The following RBMS1 variants were observed in gnomAD, a reference collection of about 807,000 sequenced individuals.
The protein encoded by RBMS1 is RNA-binding motif, single-stranded-interacting protein 1.
In RBMS1, 17 loss-of-function variants were observed where a neutral mutation model predicts 62.3. The observed-to-expected ratio is 0.27, with a 90% CI of 0.19 to 0.41. RBMS1 has a LOEUF of 0.41. Among genes scored for constraint, RBMS1 ranks in the 10% least tolerant of loss-of-function variants. The probability of loss-of-function intolerance (pLI) is 1.00; values close to 1 mark genes in which losing one functional copy is unlikely to be tolerated. For missense variants in RBMS1, 334 were observed against 504.5 expected (o/e 0.66, Z 3.24); for synonymous variants, 172 against 170.0 (o/e 1.01, Z -0.09).
chr2:160,416,895 C>T (rs1368890152), intron 1 of RBMS1, among the ~76,000 whole-genome samples: 8 of 152,156 alleles, frequency 5.3e-5, no homozygotes. Flanking sequence ...AACCATCCAT[C>T]ATAGTTCTAC....
intron 2 of RBMS1, among the ~76,000 whole-genome samples, chr2:160,339,456 T>C (rs1221021022): frequency 6.6e-6 from 1 of 152,162 alleles, no homozygotes; most frequent in African/African-American, 2.4e-5. Flanking sequence ...AACAAACAGA[T>C]GTCAAAGCCA....
intron 1 of RBMS1, among the ~76,000 whole-genome samples, chr2:160,391,301 T>G (rs1694853967): frequency 6.6e-6 from 1 of 151,530 alleles, no homozygotes; most frequent in East Asian, 1.9e-4. Context: ...AGACGAGTTA[T>G]GTTGCCACAA....
chr2:160,380,400 C>A (rs1161435433), intron 1 of RBMS1, among the ~76,000 whole-genome samples: 1 of 152,120 alleles, frequency 6.6e-6, no homozygotes, highest in African/African-American at 2.4e-5. Flanking sequence ...ACAGGAACAG[C>A]ATTCTAGGTG....
intron 2 of RBMS1, among the ~76,000 whole-genome samples, chr2:160,324,007 C>T (rs1412246718): frequency 6.6e-6 from 1 of 152,174 alleles, no homozygotes; most frequent in Non-Finnish European, 1.5e-5. Context: ...TCAGTTTGCA[C>T]TTAGTATATA....
chr2:160,379,457 C>T (rs2105185001), intron 1 of RBMS1, among the ~76,000 whole-genome samples: 1 of 152,308 alleles, frequency 6.6e-6, no homozygotes. Context: ...TGTCTAATCA[C>T]TTTAGTGGTG....
intron 1 of RBMS1, among the ~76,000 whole-genome samples, chr2:160,378,617 TA>T (rs143464660): frequency 0.39 from 48,529 of 123,904 alleles, 8,645 homozygotes; most frequent in East Asian, 0.58. Context: ...ACTCTATCTA[TA>T]AAAAAAAAAA....
At chr2:160,419,841 TG>T (rs1310452356) in intron 1 of RBMS1, among the ~76,000 whole-genome samples, 3 of 152,224 alleles carry the variant, frequency 2.0e-5, no homozygotes, top group Non-Finnish European at 4.4e-5. Flanking sequence ...TAAAAAGTTA[TG>T]AGACTACAGT....
chr2:160,485,872 CGTG>C (rs1399477734), intron 1 of RBMS1, among the ~76,000 whole-genome samples: 1 of 151,910 alleles, frequency 6.6e-6, no homozygotes, highest in African/African-American at 2.4e-5. Flanking sequence ...CAAAGAGAGT[CGTG>C]GGAGTATTTC....
chr2:160,448,845 T>C (rs1333890796), intron 1 of RBMS1, among the ~76,000 whole-genome samples: 2 of 151,310 alleles, frequency 1.3e-5, no homozygotes, highest in South Asian at 2.1e-4. Flanking sequence ...GTCTAGGAAG[T>C]GAGGAGCGTC....
intron 1 of RBMS1, among the ~76,000 whole-genome samples, chr2:160,371,261 A>G (rs1199114747): frequency 1.3e-5 from 2 of 152,248 alleles, no homozygotes; most frequent in Admixed American, 1.3e-4. Context: ...AAAAGGGACA[A>G]TATTTTAGCC....
chr2:160,425,501 T>C (rs1255474530), intron 1 of RBMS1, among the ~76,000 whole-genome samples: 1 of 152,164 alleles, frequency 6.6e-6, no homozygotes, highest in East Asian at 1.9e-4. Flanking sequence ...GGAGGCCTTA[T>C]ATAAGGTAGC....
chr2:160,407,477 G>A, intron 1 of RBMS1: 1 of 986,202 alleles, frequency 1.0e-6, no homozygotes, highest in Non-Finnish European at 1.2e-6. Flanking sequence ...CTTGCGATAG[G>A]GCGTCCGGCA....
In RBMS1 at chr2:160,278,653, G is replaced by A. The variant is rs936352263; in HGVS notation, c.957C>T (p.Ala319=). 1.2e-5 allele frequency: 20 copies of A among 1,605,946 alleles called. No homozygotes were observed. Among genetic ancestry groups the A allele is most frequent in the African/African-American group, 5.4e-5 (4 of 74,550 alleles). The part of the protein sequence containing the change: ...PQPYILQHPG[A]VLTPSMEHTM... The stretch of plus-strand genomic sequence containing the variant: ...TGTGCTCCATTGAGGGAGTTAACAC[G>A]GCACCCTGGGGAGTTGGAGACAGGA... The change falls in exon 11 of 14, where the codon GCC becomes GCT. Residue 319 remains alanine, a synonymous_variant. Coordinates refer to ENST00000348849, the MANE Select transcript of RBMS1 (RefSeq NM_016836.4).
intron 1 of RBMS1, among the ~76,000 whole-genome samples, chr2:160,451,561 CCAGA>C (rs1335892353): frequency 6.6e-6 from 1 of 152,006 alleles, no homozygotes; most frequent in Non-Finnish European, 1.5e-5. Flanking sequence ...ACCCAATGCA[CCAGA>C]CAAAATATAG....
intron 1 of RBMS1, among the ~76,000 whole-genome samples, chr2:160,438,012 C>G (rs540213309): frequency 1.8e-4 from 27 of 152,224 alleles, no homozygotes; most frequent in Non-Finnish European, 3.2e-4. Context: ...TTTGACAGGA[C>G]CTGGACAAAA....
intron 1 of RBMS1, among the ~76,000 whole-genome samples, chr2:160,390,397 A>G (rs1244155007): frequency 6.6e-6 from 1 of 152,226 alleles, no homozygotes; most frequent in Non-Finnish European, 1.5e-5. Context: ...AGACTTCAGA[A>G]AGAAAGGAAG....
chr2:160,349,279 C>A (rs1692353011), intron 2 of RBMS1, among the ~76,000 whole-genome samples: 2 of 152,054 alleles, frequency 1.3e-5, no homozygotes, highest in Admixed American at 6.6e-5. Flanking sequence ...CAATGAAGAG[C>A]CAGAGGCTAA....
At chr2:160,430,470 C>T (rs925582718) in intron 1 of RBMS1, among the ~76,000 whole-genome samples, 7 of 152,052 alleles carry the variant, frequency 4.6e-5, no homozygotes, top group Middle Eastern at 3.2e-3. Context: ...AAAACAAATA[C>T]AAAGTTTAAG....
chr2:160,468,247 TA>T (rs1559589817), intron 1 of RBMS1, among the ~76,000 whole-genome samples: 1 of 152,220 alleles, frequency 6.6e-6, no homozygotes, highest in African/African-American at 2.4e-5. Flanking sequence ...AAATATTTAT[TA>T]GTGGGTATCC....
Sources: allele counts gnomAD v4.1 joint callset (sites outside exome capture counted in the v4.1 genomes callset), GRCh38; gene constraint gnomAD v4.1.1; transcripts MANE v1.5; gene names NCBI Gene and HGNC (gene_info 2026-07-23, HGNC 2026-07-21).